The following PDS5A variants were observed in gnomAD, a reference collection of about 807,000 sequenced individuals.
PDS5A encodes the protein sister chromatid cohesion protein PDS5 homolog A.
Under a neutral mutation model 167.1 loss-of-function variants are expected in PDS5A, and 42 were observed. The observed-to-expected ratio is 0.25, with a 90% CI of 0.20 to 0.33. PDS5A has a LOEUF of 0.33. Among genes scored for constraint, PDS5A ranks in the 10% least tolerant of loss-of-function variants. PDS5A has a pLI of 1.00. For synonymous variants in PDS5A, 553 were observed against 554.6 expected (o/e 1.00, Z 0.04); for missense variants, 1,033 against 1,605.9 (o/e 0.64, Z 6.10).
intron 2 of PDS5A, among the ~76,000 whole-genome samples, chr4:39,969,368 C>T (rs1730287067): frequency 6.6e-6 from 1 of 152,094 alleles, no homozygotes; most frequent in Non-Finnish European, 1.5e-5. Flanking sequence ...ACACAAACTC[C>T]TTAGTTTGAA....
chr4:39,931,939 T>G (rs1726110243), intron 2 of PDS5A, among the ~76,000 whole-genome samples: 1 of 150,846 alleles, frequency 6.6e-6, no homozygotes, highest in South Asian at 2.1e-4. Flanking sequence ...TCGCCCAGGC[T>G]AAACTGCAGT....
rs754856223 is a variant in PDS5A, at chr4:39,879,769, T to G, written c.1951A>C (p.Ser651Arg). The G allele has an allele frequency of 6.2e-7, 1 of 1,612,160 alleles. No homozygotes were observed. ...CCTGAACGGATAGCTGTATCTGGAC[T>G]TACACCCTCCTCTTCATCATCTGCT... is the stretch of plus-strand genomic sequence containing the variant. ...GTADDEEEGV[S>R]PDTAIRSGLE... The change falls in exon 18 of 33, where the codon AGT becomes CGT. Residue 651 changes from serine (S) to arginine (R), a missense_variant. Ser to Arg is a moderately radical substitution (Grantham distance 110). Coordinates refer to ENST00000303538, the MANE Select transcript of PDS5A (RefSeq NM_001100399.2).
chr4:39,942,157 ATT>A lies in PDS5A; in HGVS notation c.139-13995_139-13994del, dbSNP rs548863548. Among the ~76,000 whole-genome samples the A allele has an allele frequency of 5.8e-3, 886 of 152,150 alleles. 8 individuals carry two copies. Among genetic ancestry groups the A allele is most frequent in the African/African-American group, 0.02 (812 of 41,498 alleles). Reference sequence around the variant, plus strand: ...TTTAAACATCATAATCAATTTTATAATTTTGTTTGCCTTTTCCACGTCTATAC... The same window carrying A: ...TTTAAACATCATAATCAATTTTATAATTGTTTGCCTTTTCCACGTCTATAC... On this transcript the variant is annotated intron_variant, in intron 2 of 32. Transcript: ENST00000303538.
At chr4:39,844,090 C>T (rs373988242) in intron 30 of PDS5A, among the ~76,000 whole-genome samples, 2 of 151,954 alleles carry the variant, frequency 1.3e-5, no homozygotes, top group Admixed American at 6.6e-5. Flanking sequence ...TCTGAGGCTG[C>T]GGTGAGCTAT....
intron 2 of PDS5A, among the ~76,000 whole-genome samples, chr4:39,962,649 C>CA (rs1468895916): frequency 2.6e-5 from 4 of 151,768 alleles, no homozygotes; most frequent in Admixed American, 2.6e-4. Flanking sequence ...ACTAAAAATA[C>CA]AAAAATTAGC....
chr4:39,929,519 C>CTATATATA (rs58069502), intron 2 of PDS5A, among the ~76,000 whole-genome samples: 874 of 79,100 alleles, frequency 0.011, 31 homozygotes, highest in African/African-American at 0.039. Flanking sequence ...ACTTAATAAA[C>CTATATATA]TATATATATA....
At chr4:39,943,996 T>C (rs1447925861) in intron 2 of PDS5A, among the ~76,000 whole-genome samples, 1 of 151,048 alleles carries the variant, frequency 6.6e-6, no homozygotes, top group African/African-American at 2.4e-5. Flanking sequence ...GCTAACACAG[T>C]GAAACCCCAT....
intron 10 of PDS5A, chr4:39,908,769 A>G: frequency 2.1e-6 from 1 of 469,460 alleles, no homozygotes; most frequent in Non-Finnish European, 3.7e-6. Context: ...CACAACTGTA[A>G]TACCAGCACT....
At chr4:39,862,373 G>T in intron 25 of PDS5A, 40 bp from the exon 26 acceptor site, 1 of 944,240 alleles carries the variant, frequency 1.1e-6, no homozygotes, top group Non-Finnish European at 1.6e-6. Flanking sequence ...TTTATAAAAT[G>T]CCTTAGTGGA....
intron 4 of PDS5A, among the ~76,000 whole-genome samples, chr4:39,926,538 A>AATAG (rs1725487856): frequency 6.6e-6 from 1 of 151,630 alleles, no homozygotes; most frequent in Admixed American, 6.6e-5. Context: ...AAAAGAAAGA[A>AATAG]ATAGATACAA....
At chr4:39,897,881 A>AT in intron 16 of PDS5A, 1 of 245,256 alleles carries the variant, frequency 4.1e-6, no homozygotes, top group African/African-American at 2.3e-5. Context: ...AAAAAAAAAA[A>AT]GCTGAATAAA....
At chr4:39,862,097 TA>T in intron 26 of PDS5A, 121 bp downstream of exon 26, 3 of 407,414 alleles carry the variant, frequency 7.4e-6, no homozygotes, top group African/African-American at 6.2e-5. Context: ...AATAAATGAA[TA>T]AAACCATAAG....
chr4:39,848,961 T>C lies in PDS5A; in HGVS notation c.3229A>G (p.Thr1077Ala). ...ACACAGAGAGCCACATCACATACTG[T>C]ATACAGTTTCTAGGGAGGAAAACGA... ...DESKTNEKLY[T>A]VCDVALCVIN... Residue 1077 changes from threonine (T) to alanine (A), a missense_variant, in exon 28 of 33, where the codon ACA becomes GCA. Physicochemically the swap from Thr to Ala is moderately conservative, Grantham distance 58. Coordinates refer to ENST00000303538, the MANE Select transcript of PDS5A (RefSeq NM_001100399.2). 3 of 1,594,016 alleles carry C rather than the reference T, an allele frequency of 1.9e-6. No homozygotes were observed. The highest frequency in any genetic ancestry group is 2.6e-6 in the Non-Finnish European group (3 of 1,167,360).
At chr4:39,900,309 T>G in intron 14 of PDS5A, 117 bp downstream of exon 14, 1 of 646,164 alleles carries the variant, frequency 1.5e-6, no homozygotes, top group Non-Finnish European at 2.7e-6. Context: ...TATATTTAAC[T>G]GACATTTGGA....
chr4:39,952,920 G>A (rs1018906119), intron 2 of PDS5A, among the ~76,000 whole-genome samples: 1 of 151,934 alleles, frequency 6.6e-6, no homozygotes, highest in Non-Finnish European at 1.5e-5. Context: ...GTAGAGTCAG[G>A]GTTTTGCCAT....
chr4:39,948,342 G>T (rs188969179), intron 2 of PDS5A, among the ~76,000 whole-genome samples: 311 of 125,312 alleles, frequency 2.5e-3, no homozygotes, highest in African/African-American at 9.4e-3. Context: ...TTTTGAGATG[G>T]AGTCTTGCTC....
At chr4:39,893,265 G>C (rs1310876406) in intron 16 of PDS5A, among the ~76,000 whole-genome samples, 1 of 152,036 alleles carries the variant, frequency 6.6e-6, no homozygotes, top group East Asian at 1.9e-4. Context: ...AATTCTAAAG[G>C]GAAAGTAAAT....
chr4:39,864,088 C>T (rs1719224292), intron 23 of PDS5A, among the ~76,000 whole-genome samples: 1 of 151,678 alleles, frequency 6.6e-6, no homozygotes, highest in South Asian at 2.1e-4. Context: ...CAAGGTCGCA[C>T]CACTGCACTC....
chr4:39,967,342 T>C (rs1447886231), intron 2 of PDS5A, among the ~76,000 whole-genome samples: 1 of 149,664 alleles, frequency 6.7e-6, no homozygotes, highest in Non-Finnish European at 1.5e-5. Context: ...ACTCTATCCA[T>C]CCCTCCGTTT....
Sources: gnomAD v4.1 joint callset for allele counts (sites outside exome capture counted in the v4.1 genomes callset) on GRCh38, gnomAD v4.1.1 for gene constraint, MANE v1.5 for transcripts, NCBI Gene and HGNC (gene_info 2026-07-23, HGNC 2026-07-21) for gene names.